Variants in CAPN3 observed in about 807,000 individuals in gnomAD.
The protein encoded by CAPN3 is calpain 3, also known as calpain-3.
A neutral mutation model predicts 114.0 loss-of-function variants in CAPN3; 88 were observed. The ratio of observed to expected loss-of-function variants is 0.77; its 90% CI spans 0.65 to 0.92. The LOEUF (loss-of-function observed/expected upper bound fraction) is 0.92, where lower values mean the gene tolerates loss of function less well. CAPN3 is among the 40% of genes least tolerant of loss of function. The pLI is 0.00. For missense variants in CAPN3, 1,028 were observed against 1,069.0 expected (o/e 0.96, Z 0.53); for synonymous variants, 386 against 382.9 (o/e 1.01, Z -0.09).
intron 1 of CAPN3, among the ~76,000 whole-genome samples, chr15:42,362,383 A>G (rs1018421478): frequency 6.6e-5 from 10 of 152,200 alleles, no homozygotes; most frequent in African/African-American, 2.4e-4. Flanking sequence ...AAATTCTTTA[A>G]GGGCCTGTTA....
intron 1 of CAPN3, among the ~76,000 whole-genome samples, chr15:42,362,452 G>T (rs1027159931): frequency 6.6e-5 from 10 of 152,106 alleles, no homozygotes; most frequent in Non-Finnish European, 1.5e-4. Context: ...CAGAAGACTT[G>T]TCTGTTCTAA....
intron 11 of CAPN3, 25 bp downstream of exon 11, chr15:42,401,835 C>G (rs1312911859): frequency 6.2e-7 from 1 of 1,604,542 alleles, no homozygotes; most frequent in Non-Finnish European, 8.5e-7. Context: ...TTGGCTCCAG[C>G]CCAGGAAACA....
intron 2 of CAPN3, 88 bp downstream of exon 2, chr15:42,384,640 CTG>C: frequency 1.0e-6 from 1 of 978,422 alleles, no homozygotes; most frequent in Non-Finnish European, 1.7e-6. Context: ...AAGGGACAAT[CTG>C]TGCTTGCTTC....
Position 42,411,171 on chromosome 15 carries a change from C to T in CAPN3, c.2381-116C>T, listed in dbSNP as rs2054214064. On this transcript the variant is annotated intron_variant, in intron 22 of 23. Coordinates refer to ENST00000397163, the MANE Select transcript of CAPN3 (RefSeq NM_000070.3). ...AGGGTTACTGGTGATTCTCTGCCTG[C>T]ACATCTTTGTGCTGATGAGGGACAG... The T allele has an allele frequency of 2.9e-6, 3 of 1,042,354 alleles. No individual in the cohort carries two copies. The South Asian group carries it at 3.8e-5, about 13-fold the overall frequency. 64.6% of individuals were successfully genotyped at this position (1,042,354 alleles called of 1,614,324 possible). A position where few individuals can be genotyped will look rare whatever the true frequency, so the allele number is the denominator to read the frequency against.
At chr15:42,391,896 G>T (rs2053564859) in intron 6 of CAPN3, among the ~76,000 whole-genome samples, 2 of 152,232 alleles carry the variant, frequency 1.3e-5, no homozygotes, top group Admixed American at 6.5e-5. Context: ...AGGCGCAGTG[G>T]CTCATGCCTG....
At chr15:42,390,974 G>T (rs770243607) in intron 6 of CAPN3, among the ~76,000 whole-genome samples, 5 of 151,478 alleles carry the variant, frequency 3.3e-5, no homozygotes, top group Non-Finnish European at 5.9e-5. Flanking sequence ...GTATTTTTTA[G>T]TAGAGACGGG....
intron 1 of CAPN3, among the ~76,000 whole-genome samples, chr15:42,371,098 C>T (rs1170705020): frequency 6.6e-6 from 1 of 151,996 alleles, no homozygotes; most frequent in Non-Finnish European, 1.5e-5. Flanking sequence ...TACAATGAGT[C>T]AATAAATAAT....
At chr15:42,377,264 T>C (rs966235251) in intron 1 of CAPN3, among the ~76,000 whole-genome samples, 9 of 152,206 alleles carry the variant, frequency 5.9e-5, no homozygotes, top group Admixed American at 5.2e-4. Context: ...GGGGAAAGCA[T>C]CTAGTTTCTC....
At chr15:42,406,584 C>G (rs2054029484) in intron 15 of CAPN3, among the ~76,000 whole-genome samples, 1 of 151,694 alleles carries the variant, frequency 6.6e-6, no homozygotes, top group South Asian at 2.1e-4. Context: ...GAGATAGACT[C>G]AAAGAAGTGA....
chr15:42,364,228 T>A (rs1317012431), intron 1 of CAPN3, among the ~76,000 whole-genome samples: 2 of 152,152 alleles, frequency 1.3e-5, no homozygotes, highest in Admixed American at 1.3e-4. Flanking sequence ...AACACTTAGG[T>A]AATCTTGGTC....
chr15:42,399,427 G>A, intron 9 of CAPN3, 65 bp from the exon 10 acceptor site: 2 of 1,230,840 alleles, frequency 1.6e-6, no homozygotes, highest in Non-Finnish European at 2.4e-6. Flanking sequence ...TAGTCCTGGG[G>A]TCTTCCGTTC....
intron 2 of CAPN3, chr15:42,385,908 G>T (rs1387887548): frequency 4.3e-6 from 3 of 690,302 alleles, no homozygotes; most frequent in Non-Finnish European, 8.1e-6. Flanking sequence ...TTATACTGCA[G>T]TTGGAGGAAC....
chr15:42,402,773 TG>T lies in CAPN3; in HGVS notation c.1537-18del. ...TTCCTCCCGAGGGGCTCATGTGCCC[TG>T]GGCTCTCCCCATCTCTCAGATGCAC... On this transcript the variant is annotated intron_variant, in intron 12 of 23. Coordinates refer to ENST00000397163, the MANE Select transcript of CAPN3 (RefSeq NM_000070.3). 1.2e-6 allele frequency: 2 copies of T among 1,612,800 alleles called. No individual in the cohort carries two copies. Among genetic ancestry groups the T allele is most frequent in the Non-Finnish European group, 1.7e-6 (2 of 1,178,788 alleles).
chr15:42,409,492 G>T, intron 17 of CAPN3, 112 bp downstream of exon 17: 1 of 1,032,994 alleles, frequency 9.7e-7, no homozygotes, highest in East Asian at 2.5e-5. Context: ...TTGGACTTTG[G>T]TGGAGCCAGG....
intron 1 of CAPN3, among the ~76,000 whole-genome samples, chr15:42,362,824 C>G (rs2052679586): frequency 6.6e-6 from 1 of 152,186 alleles, no homozygotes; most frequent in Non-Finnish European, 1.5e-5. Flanking sequence ...GACATCAGTT[C>G]TCCATAAACT....
intron 16 of CAPN3, chr15:42,408,812 G>C (rs2054105226): frequency 3.4e-6 from 1 of 293,872 alleles, no homozygotes; most frequent in Non-Finnish European, 6.6e-6. Context: ...ACCAATCCAG[G>C]GCCCCTCTTC....
intron 10 of CAPN3, among the ~76,000 whole-genome samples, chr15:42,401,433 A>G (rs2053858172): frequency 6.9e-6 from 1 of 145,068 alleles, no homozygotes; most frequent in Admixed American, 7.1e-5. Context: ...AGGAAAAGCC[A>G]CACATACAAT....
intron 1 of CAPN3, among the ~76,000 whole-genome samples, chr15:42,378,940 G>T (rs2053165155): frequency 6.6e-6 from 1 of 152,076 alleles, no homozygotes; most frequent in Non-Finnish European, 1.5e-5. Flanking sequence ...AATAATTTGG[G>T]ATTTTTCAAC....
intron 1 of CAPN3, among the ~76,000 whole-genome samples, chr15:42,362,401 G>A (rs1310312479): frequency 6.6e-6 from 1 of 152,178 alleles, no homozygotes; most frequent in Non-Finnish European, 1.5e-5. Context: ...TTATGCTCTA[G>A]GTACTAGATT....
Sources: gnomAD v4.1 joint callset for allele counts (sites outside exome capture counted in the v4.1 genomes callset) on GRCh38, gnomAD v4.1.1 for gene constraint, MANE v1.5 for transcripts, NCBI Gene and HGNC (gene_info 2026-07-23, HGNC 2026-07-21) for gene names.